The following POLR3B variants were observed in gnomAD, a reference collection of about 807,000 sequenced individuals.
POLR3B encodes RNA polymerase III subunit B.
In POLR3B, 96 loss-of-function variants were observed where a neutral mutation model predicts 147.4. That is an observed-to-expected ratio of 0.65 (90% CI 0.55 to 0.77). POLR3B has a LOEUF of 0.77. Among genes scored for constraint, POLR3B ranks in the 30% least tolerant of loss-of-function variants. The pLI, the probability that POLR3B is intolerant of heterozygous loss-of-function variation, is 0.00. For missense variants in POLR3B, 1,036 were observed against 1,413.5 expected, an observed-to-expected ratio of 0.73 and a Z score of 4.28; for synonymous variants, 461 against 485.9, an observed-to-expected ratio of 0.95 and a Z score of 0.67.
chr12:106,365,902 A>G (rs906024565), intron 2 of POLR3B, among the ~76,000 whole-genome samples: 1 of 152,070 alleles, frequency 6.6e-6, no homozygotes, highest in Non-Finnish European at 1.5e-5. Context: ...CTAAGATACA[A>G]ATACACACAT....
chr12:106,371,554 G>A (rs1435280875), intron 6 of POLR3B, among the ~76,000 whole-genome samples: 2 of 151,230 alleles, frequency 1.3e-5, no homozygotes, highest in African/African-American at 2.4e-5. Context: ...GTCCAACAAT[G>A]ATAGACTGGA....
intron 23 of POLR3B, among the ~76,000 whole-genome samples, chr12:106,476,809 T>G (rs181751446): frequency 3.2e-4 from 48 of 152,270 alleles, no homozygotes; most frequent in Non-Finnish European, 4.6e-4. Context: ...TGCCTTTGGT[T>G]TGAATGTCCT....
chr12:106,396,574 T>C (rs2036983049), intron 10 of POLR3B, among the ~76,000 whole-genome samples: 2 of 152,128 alleles, frequency 1.3e-5, no homozygotes, highest in Admixed American at 6.5e-5. Flanking sequence ...CATAATGTGA[T>C]ATGAACAAGA....
rs557896894 is a variant in POLR3B at position 106,469,378 on chromosome 12, A to C, written c.2713+5758A>C. On this transcript the variant is annotated intron_variant, in intron 23 of 27. Transcript: ENST00000228347. Reference sequence around the variant, plus strand: ...GAGATGGGTTTCCTGAATACAGCACACTGATGGGTCTTGACTCTTTATCCA... The same window carrying C: ...GAGATGGGTTTCCTGAATACAGCACCCTGATGGGTCTTGACTCTTTATCCA... 4.5e-3 allele frequency among the ~76,000 whole-genome samples: 686 copies of C among 151,524 alleles called. 2 individuals carry two copies. Among genetic ancestry groups the C allele is most frequent in the Non-Finnish European group, 7.2e-3 (489 of 67,930 alleles).
chr12:106,501,477 C>CA (rs144578311), intron 26 of POLR3B, 41 bp downstream of exon 26: 97,295 of 1,137,140 alleles, frequency 0.086, 4,857 homozygotes, highest in Middle Eastern at 0.13. Flanking sequence ...ATAATGCAGT[C>CA]AAGTCCACCT....
intron 12 of POLR3B, among the ~76,000 whole-genome samples, chr12:106,426,261 TGTG>T (rs2037433727): frequency 2.6e-5 from 4 of 151,204 alleles, no homozygotes; most frequent in African/African-American, 9.7e-5. Flanking sequence ...TGTGTGTGTG[TGTG>T]TGTTTAAGAC....
chr12:106,411,009 A>G, intron 12 of POLR3B, 49 bp downstream of exon 12: 1 of 1,572,052 alleles, frequency 6.4e-7, no homozygotes. Flanking sequence ...AATGAAAATT[A>G]ATTTGGTTTT....
At chr12:106,461,241 A>C (rs2037930082) in intron 22 of POLR3B, among the ~76,000 whole-genome samples, 1 of 151,958 alleles carries the variant, frequency 6.6e-6, no homozygotes, top group Admixed American at 6.6e-5. Flanking sequence ...CTACAGGCAC[A>C]CACCACCACA....
In POLR3B at chr12:106,432,220, G is replaced by T. The variant is rs1430577261; in HGVS notation, c.1465-98G>T. 1.1e-5 allele frequency: 12 copies of T among 1,084,984 alleles called. No individual in the cohort carries two copies. The highest frequency in any genetic ancestry group is 3.1e-5 in the African/African-American group (2 of 64,842). 67.2% of individuals were successfully genotyped at this position (1,084,984 alleles called of 1,614,324 possible). A position where few individuals can be genotyped will look rare whatever the true frequency, so the allele number is the denominator to read the frequency against. On this transcript the variant is annotated intron_variant, in intron 14 of 27. Transcript: ENST00000228347. The stretch of plus-strand genomic sequence containing the variant: ...ATCCCCTACAAAGTTGTACTGCTTT[G>T]CATTGCTGCCAGCAAAGTAGTGAGC...
At chr12:106,403,897 C>T (rs1306775994) in intron 10 of POLR3B, among the ~76,000 whole-genome samples, 1 of 151,532 alleles carries the variant, frequency 6.6e-6, no homozygotes, top group Non-Finnish European at 1.5e-5. Flanking sequence ...ACCAACATGG[C>T]ACATGTATAC....
chr12:106,370,968 A>G (rs1027023635), intron 6 of POLR3B, among the ~76,000 whole-genome samples: 1 of 152,092 alleles, frequency 6.6e-6, no homozygotes, highest in Admixed American at 6.6e-5. Flanking sequence ...TCTTTCTTGT[A>G]TATGGACCAT....
rs10654233 is a variant in POLR3B, at chr12:106,446,417, C to CAAA, written c.2083+1843_2083+1845dup. ...TTTATTTTTATAACTCCTCTCCCCACAAAAAAAAAAAAAAAAAAGAAAAGA... is the reference window on the plus strand; with the variant it reads ...TTTATTTTTATAACTCCTCTCCCCACAAAAAAAAAAAAAAAAAAAAAGAAAAGA... On this transcript the variant is annotated intron_variant, in intron 19 of 27. Coordinates refer to ENST00000228347, the MANE Select transcript of POLR3B (RefSeq NM_018082.6). The CAAA allele has an allele frequency of 7.2e-3, 1,132 of 158,308 alleles. 10 individuals carry two copies. The highest frequency in any genetic ancestry group is 0.016 in the East Asian group (81 of 5,144). The allele number at this position is 158,308 out of a possible 1,614,324, so 9.8% of individuals were successfully genotyped here. A position where few individuals can be genotyped will look rare whatever the true frequency, so the allele number is the denominator to read the frequency against.
chr12:106,467,262 T>C (rs1360675289), intron 23 of POLR3B, among the ~76,000 whole-genome samples: 1 of 152,182 alleles, frequency 6.6e-6, no homozygotes, highest in Non-Finnish European at 1.5e-5. Flanking sequence ...TTGTCTGTTA[T>C]TGGTGTATAG....
intron 23 of POLR3B, among the ~76,000 whole-genome samples, chr12:106,487,540 T>C (rs2038355940): frequency 6.6e-6 from 1 of 152,228 alleles, no homozygotes; most frequent in Admixed American, 6.5e-5. Flanking sequence ...CTGCAGATTG[T>C]CTGATTTTTG....
intron 10 of POLR3B, among the ~76,000 whole-genome samples, chr12:106,402,739 G>A (rs1417319974): frequency 6.6e-6 from 1 of 152,198 alleles, no homozygotes; most frequent in Non-Finnish European, 1.5e-5. Flanking sequence ...ACGGTGCTGG[G>A]AAAACTGGCT....
At chr12:106,403,484 C>T (rs2037101982) in intron 10 of POLR3B, among the ~76,000 whole-genome samples, 1 of 151,948 alleles carries the variant, frequency 6.6e-6, no homozygotes, top group South Asian at 2.1e-4. Context: ...GATTATAAAT[C>T]ATGCTGCTAT....
At chr12:106,507,647 T>G in intron 27 of POLR3B, 1 of 376,248 alleles carries the variant, frequency 2.7e-6, no homozygotes, top group Non-Finnish European at 5.3e-6. Context: ...ATTTGTACTG[T>G]TAACGGATCA....
At chr12:106,409,211 G>A (rs900761780) in intron 11 of POLR3B, among the ~76,000 whole-genome samples, 1 of 152,024 alleles carries the variant, frequency 6.6e-6, no homozygotes, top group African/African-American at 2.4e-5. Flanking sequence ...ACAATAAAAT[G>A]TAAATTATAT....
At chr12:106,426,984 C>T (rs928977774) in intron 12 of POLR3B, among the ~76,000 whole-genome samples, 1 of 151,788 alleles carries the variant, frequency 6.6e-6, no homozygotes, top group Non-Finnish European at 1.5e-5. Context: ...AGTATGTCAT[C>T]ATCTTTGCTC....
Sources: gnomAD v4.1 joint callset for allele counts (sites outside exome capture counted in the v4.1 genomes callset) on GRCh38, gnomAD v4.1.1 for gene constraint, MANE v1.5 for transcripts, NCBI Gene and HGNC (gene_info 2026-07-23, HGNC 2026-07-21) for gene names.